Variants in VIPR2 observed in about 807,000 individuals in gnomAD.
VIPR2 encodes the protein vasoactive intestinal peptide receptor 2.
In VIPR2, 48 loss-of-function variants were observed where a neutral mutation model predicts 58.0. The observed-to-expected ratio is 0.83, with a 90% confidence interval of 0.66 to 1.05. The LOEUF (loss-of-function observed/expected upper bound fraction) is 1.05. Among genes scored for constraint, VIPR2 ranks in the 50% least tolerant of loss-of-function variants. The probability of loss-of-function intolerance (pLI) is 0.00; values close to 1 mark genes in which losing one functional copy is unlikely to be tolerated. For synonymous variants in VIPR2, 243 were observed against 235.2 expected (o/e 1.03, Z -0.30); for missense variants, 534 against 558.0 (o/e 0.96, Z 0.43).
In VIPR2 at chr7:159,044,984, T is replaced by C. The variant is rs1854560149; in HGVS notation, c.456-1808A>G. The stretch of plus-strand genomic sequence containing the variant: ...TGGGGTTTCGCAACGTTGGCTAGGC[T>C]GATCTCAAACCTCTGACCGTATGTG... On this transcript the variant is annotated intron_variant, in intron 5 of 12. Coordinates refer to ENST00000262178, the MANE Select transcript of VIPR2 (RefSeq NM_003382.5). Among the ~76,000 whole-genome samples, 3 of 152,194 alleles carry C rather than the reference T, an allele frequency of 2.0e-5. No homozygotes were observed. In the South Asian group the frequency reaches 6.2e-4, roughly 32 times the overall value.
At chr7:159,087,156 T>C (rs924330035) in intron 4 of VIPR2, among the ~76,000 whole-genome samples, 11 of 147,902 alleles carry the variant, frequency 7.4e-5, no homozygotes, top group African/African-American at 2.5e-4. Context: ...AGATATGGCT[T>C]CCCAACAAAC....
intron 4 of VIPR2, among the ~76,000 whole-genome samples, chr7:159,061,185 G>A (rs1442330249): frequency 6.6e-6 from 1 of 152,116 alleles, no homozygotes; most frequent in Non-Finnish European, 1.5e-5. Context: ...GGTACTCAGG[G>A]AGGAGAAATG....
intron 3 of VIPR2, among the ~76,000 whole-genome samples, chr7:159,104,422 C>T (rs953041154): frequency 2.0e-5 from 3 of 151,648 alleles, no homozygotes; most frequent in African/African-American, 7.3e-5. Context: ...CCGCCTGCTC[C>T]AGTTCCCGAC....
chr7:159,074,535 G>A (rs896899775), intron 4 of VIPR2, among the ~76,000 whole-genome samples: 4 of 152,120 alleles, frequency 2.6e-5, no homozygotes, highest in Non-Finnish European at 5.9e-5. Context: ...ACAAGGAATC[G>A]GCTGCACCTT....
At chr7:159,107,056 A>G (rs951361025) in intron 3 of VIPR2, among the ~76,000 whole-genome samples, 1 of 152,118 alleles carries the variant, frequency 6.6e-6, no homozygotes, top group Non-Finnish European at 1.5e-5. Context: ...CACTTGCAGG[A>G]TGACGAATAC....
At chr7:159,043,753 C>A (rs1391612952) in intron 5 of VIPR2, among the ~76,000 whole-genome samples, 2 of 152,124 alleles carry the variant, frequency 1.3e-5, no homozygotes, top group African/African-American at 4.8e-5. Context: ...TTGTTTTGAC[C>A]TTTCTGTGGG....
At chr7:159,042,996 G>A in intron 6 of VIPR2, 39 bp downstream of exon 6, 1 of 1,606,246 alleles carries the variant, frequency 6.2e-7, no homozygotes, top group Non-Finnish European at 8.5e-7. Flanking sequence ...AGAGATAAAG[G>A]GACAAGACAG....
At chr7:159,033,493 AAAAT>A (rs1853717175) in intron 10 of VIPR2, among the ~76,000 whole-genome samples, 1 of 152,240 alleles carries the variant, frequency 6.6e-6, no homozygotes, top group African/African-American at 2.4e-5. Flanking sequence ...TTTTTAAAAA[AAAAT>A]AAATTCTTGA....
At chr7:159,124,612 T>C (rs920194715) in intron 2 of VIPR2, among the ~76,000 whole-genome samples, 4 of 152,204 alleles carry the variant, frequency 2.6e-5, no homozygotes, top group Non-Finnish European at 5.9e-5. Flanking sequence ...CTTAGGATTG[T>C]CTTAGCTATG....
At chr7:159,106,034 C>A (rs1858623833) in intron 3 of VIPR2, among the ~76,000 whole-genome samples, 1 of 152,200 alleles carries the variant, frequency 6.6e-6, no homozygotes, top group South Asian at 2.1e-4. Flanking sequence ...GTGTCACTTG[C>A]CCAAAGTCAC....
At chr7:159,111,623 T>A (rs1796006383) in intron 2 of VIPR2, among the ~76,000 whole-genome samples, 2 of 151,594 alleles carry the variant, frequency 1.3e-5, no homozygotes, top group Admixed American at 6.6e-5. Context: ...GAGGTTGCAG[T>A]GAGCCGAGAT....
chr7:159,138,615 AT>A (rs1797325152), intron 2 of VIPR2, among the ~76,000 whole-genome samples: 1 of 152,238 alleles, frequency 6.6e-6, no homozygotes, highest in Non-Finnish European at 1.5e-5. Flanking sequence ...TGCCAAATAC[AT>A]TGTTACACTG....
chr7:159,074,234 T>C (rs1312574895), intron 4 of VIPR2, among the ~76,000 whole-genome samples: 1 of 152,158 alleles, frequency 6.6e-6, no homozygotes, highest in East Asian at 1.9e-4. Flanking sequence ...TATCTAGGAA[T>C]AAACTGAGCG....
In VIPR2 at chr7:159,034,276, ATAATAC is replaced by A; in HGVS notation, c.902_907del (p.Ser301_Ile302del). Reference sequence around the variant, plus strand: ...TGTTAACTTCTGCAGCAAAATTCGTATAATACTAATGAAAAGGACAAAATTGACCTG... The same window carrying A: ...TGTTAACTTCTGCAGCAAAATTCGTATAATGAAAAGGACAAAATTGACCTG... On this transcript the variant is annotated inframe_deletion, in exon 10 of 13. Coordinates refer to ENST00000262178, the MANE Select transcript of VIPR2 (RefSeq NM_003382.5). The A allele has an allele frequency of 6.2e-7, 1 of 1,614,036 alleles. No homozygotes were observed. The highest frequency in any genetic ancestry group is 8.5e-7 in the Non-Finnish European group (1 of 1,179,976).
chr7:159,106,023 C>T (rs1283604324), intron 3 of VIPR2, among the ~76,000 whole-genome samples: 1 of 152,212 alleles, frequency 6.6e-6, no homozygotes, highest in Non-Finnish European at 1.5e-5. Flanking sequence ...CTGAGGAAGT[C>T]GTGTCACTTG....
At position 159,030,703 on chromosome 7, in the gene VIPR2, G is replaced by A. The variant is rs1301975453; in HGVS notation, c.1230C>T (p.Phe410=). 9 of 1,588,600 alleles carry A rather than the reference G, an allele frequency of 5.7e-6. No individual in the cohort carries two copies. The South Asian group carries it at 1.0e-4, about 18-fold the overall frequency. The change falls in exon 13 of 13, where the codon TTC becomes TTT. Residue 410 remains phenylalanine (F), a synonymous_variant. Coordinates refer to ENST00000262178, the MANE Select transcript of VIPR2 (RefSeq NM_003382.5). ...SRDYRVCGSS[F]SRNGSEGALQ... The stretch of plus-strand genomic sequence containing the variant: ...GGGCGCCCTCCGAGCCGTTGCGGGA[G>A]AAGGAGGAACCGCAGACCCTGTAAT...
chr7:159,111,843 T>C (rs181641079), intron 2 of VIPR2, among the ~76,000 whole-genome samples: 42 of 152,196 alleles, frequency 2.8e-4, no homozygotes, highest in African/African-American at 7.2e-4. Flanking sequence ...ACCCCATCTC[T>C]ACAGAAAATA....
chr7:159,084,352 C>T (rs887979821), intron 4 of VIPR2, among the ~76,000 whole-genome samples: 3 of 152,298 alleles, frequency 2.0e-5, no homozygotes, highest in Non-Finnish European at 2.9e-5. Context: ...ATGGGGCAGG[C>T]GGCTGGGCAC....
rs565704714 is a variant in VIPR2 at position 159,093,131 on chromosome 7, G to A, written c.357+10626C>T. On this transcript the variant is annotated intron_variant, in intron 4 of 12. Coordinates refer to ENST00000262178, the MANE Select transcript of VIPR2 (RefSeq NM_003382.5). The surrounding 1 kb of genome is among the most constrained non-coding windows in gnomAD (Gnocchi z 6.7). Reference sequence around the variant, plus strand: ...CCCAAGCTGAGAGATGTGGTCCTGCGGGGGCTGGTGGGGGCAGAAGACATT... The same window carrying A: ...CCCAAGCTGAGAGATGTGGTCCTGCAGGGGCTGGTGGGGGCAGAAGACATT... Among the ~76,000 whole-genome samples the A allele has an allele frequency of 2.0e-5, 3 of 152,254 alleles. No homozygotes were observed. Among genetic ancestry groups the A allele is most frequent in the South Asian group, 2.1e-4 (1 of 4,818 alleles).
Sources: gnomAD v4.1 joint callset for allele counts (sites outside exome capture counted in the v4.1 genomes callset) on GRCh38, gnomAD v4.1.1 for gene constraint, Gnocchi (gnomAD v3.1) non-coding constraint, MANE v1.5 for transcripts, NCBI Gene and HGNC (gene_info 2026-07-23, HGNC 2026-07-21) for gene names.